The following KRT80 variants were observed in gnomAD, a reference collection of about 807,000 sequenced individuals.
KRT80 encodes the protein keratin 80, also known as keratin, type II cytoskeletal 80.
A neutral mutation model predicts 51.5 loss-of-function variants in KRT80; 36 were observed. The ratio of observed to expected loss-of-function variants is 0.70; its 90% confidence interval spans 0.54 to 0.92. The LOEUF (loss-of-function observed/expected upper bound fraction) is 0.92. KRT80 is among the 40% of genes least tolerant of loss of function. The probability of loss-of-function intolerance (pLI) is 0.00; values close to 1 mark genes in which losing one functional copy is unlikely to be tolerated. For synonymous variants in KRT80, 235 were observed against 248.3 expected, an observed-to-expected ratio of 0.95 and a Z score of 0.50; for missense variants, 566 against 591.7, an observed-to-expected ratio of 0.96 and a Z score of 0.45.
At chr12:52,191,522 G>C in intron 1 of KRT80, 81 bp downstream of exon 1, 1 of 1,365,554 alleles carries the variant, frequency 7.3e-7, no homozygotes, top group Non-Finnish European at 1.0e-6. Flanking sequence ...CGCGGTGATC[G>C]ATGCTCAGGG....
intron 2 of KRT80, 62 bp from the exon 3 acceptor site, chr12:52,181,025 C>T (rs1378134364): frequency 1.5e-6 from 2 of 1,363,794 alleles, no homozygotes; most frequent in Admixed American, 2.4e-5. Flanking sequence ...GGTGAACTCC[C>T]CTTGGTTGGG....
Position 52,180,527 on chromosome 12 carries a change from T to A in KRT80, c.652A>T (p.Thr218Ser). 6.8e-7 allele frequency: 1 copy of A among 1,467,268 alleles called. No individual in the cohort carries two copies. The highest frequency in any genetic ancestry group is 9.0e-7 in the Non-Finnish European group (1 of 1,109,202). 90.9% of individuals were successfully genotyped at this position (1,467,268 alleles called of 1,614,324 possible). ...SLESFVELMK[T>S]IYEQELKDLA... ...ATCTCACTCACCTGCTCATAGATGGTTTTCATCAACTCCACGAAGCTCTCC... is the reference window on the plus strand; with the variant it reads ...ATCTCACTCACCTGCTCATAGATGGATTTCATCAACTCCACGAAGCTCTCC... The change falls in exon 4 of 9, where the codon ACC (threonine) becomes TCC (serine). Residue 218 changes from threonine to serine, a missense_variant. Thr to Ser is a moderately conservative substitution (Grantham distance 58). Coordinates refer to ENST00000394815, the MANE Select transcript of KRT80 (RefSeq NM_182507.3).
Position 52,171,511 on chromosome 12 carries a change from A to G in KRT80, c.1246T>C (p.Ser416Pro), listed in dbSNP as rs988484980. The change falls in exon 9 of 9, where the codon TCA (serine) becomes CCA (proline). Residue 416 changes from serine (S) to proline (P), a missense_variant. Transcript: ENST00000394815. ...CGGGAGGGGGCCTTGGAGAGGCCTG[A>G]TCTGGAGGCAGCTACAGGGAACATA... ...QSRCKTAASR[S>P]GLSKAPSRKK... 5 of 1,613,402 alleles carry G rather than the reference A, an allele frequency of 3.1e-6. No homozygotes were observed. The highest frequency in any genetic ancestry group is 4.2e-6 in the Non-Finnish European group (5 of 1,179,742).
Position 52,173,285 on chromosome 12 carries a change from C to CGCCAG in KRT80, c.832-127_832-123dup, listed in dbSNP as rs1333076835. ...TCCAACTCTGCAGCCCACCACGCCA[C>CGCCAG]GCCAGGCTCCCTCAGCTCCCCCTTC... is the stretch of plus-strand genomic sequence containing the variant. On this transcript the variant is annotated intron_variant, in intron 5 of 8. Coordinates refer to ENST00000394815, the MANE Select transcript of KRT80 (RefSeq NM_182507.3). 9.3e-6 allele frequency: 12 copies of CGCCAG among 1,295,754 alleles called. No homozygotes were observed. The African/African-American group carries it at 1.5e-4, about 16-fold the overall frequency. 80.3% of individuals were successfully genotyped at this position (1,295,754 alleles called of 1,614,324 possible). A position where few individuals can be genotyped will look rare whatever the true frequency, so the allele number is the denominator to read the frequency against.
At chr12:52,179,588 C>T (rs538782158) in intron 4 of KRT80, among the ~76,000 whole-genome samples, 176 of 152,348 alleles carry the variant, frequency 1.2e-3, no homozygotes, top group African/African-American at 3.8e-3. Context: ...CCATGAGGCC[C>T]GGTCTTCCTT....
chr12:52,180,352 A>T (rs563076539), intron 4 of KRT80, among the ~76,000 whole-genome samples, 161 bp downstream of exon 4: 7 of 152,340 alleles, frequency 4.6e-5, no homozygotes, highest in African/African-American at 1.7e-4. Context: ...TATTGACACC[A>T]TCACAGGAAG....
intron 2 of KRT80, 65 bp from the exon 3 acceptor site, chr12:52,181,028 T>C: frequency 7.6e-7 from 1 of 1,319,234 alleles, no homozygotes; most frequent in Non-Finnish European, 1.0e-6. Context: ...GAACTCCCCT[T>C]GGTTGGGGCT....
At chr12:52,176,196 T>C (rs1941217821) in intron 4 of KRT80, among the ~76,000 whole-genome samples, 1 of 152,232 alleles carries the variant, frequency 6.6e-6, no homozygotes, top group Non-Finnish European at 1.5e-5. Context: ...TGTTCAGACA[T>C]GCAGGCCCCT....
chr12:52,173,495 C>T, intron 5 of KRT80, 105 bp downstream of exon 5: 3 of 798,944 alleles, frequency 3.8e-6, no homozygotes, highest in Non-Finnish European at 5.7e-6. Flanking sequence ...CATAGACTTT[C>T]AGGACAGAGA....
At chr12:52,172,995 C>T (rs1565691506) in intron 6 of KRT80, 43 bp downstream of exon 6, 2 of 1,584,854 alleles carry the variant, frequency 1.3e-6, no homozygotes, top group African/African-American at 1.3e-5. Flanking sequence ...GTGTGTCTCC[C>T]TGCTCTCCTC....
intron 1 of KRT80, among the ~76,000 whole-genome samples, chr12:52,189,710 A>G (rs1941453191): frequency 6.6e-6 from 1 of 152,158 alleles, no homozygotes; most frequent in South Asian, 2.1e-4. Flanking sequence ...AGGGCCCCCA[A>G]ACGGCCAGTA....
chr12:52,180,877 C>A (rs779209273), intron 3 of KRT80, 26 bp downstream of exon 3: 5 of 1,605,488 alleles, frequency 3.1e-6, no homozygotes, highest in Non-Finnish European at 4.2e-6. Flanking sequence ...GAGGAAGGAG[C>A]CCCTGGGGCA....
intron 4 of KRT80, among the ~76,000 whole-genome samples, 199 bp downstream of exon 4, chr12:52,180,314 A>G (rs1176130025): frequency 2.6e-5 from 4 of 152,166 alleles, no homozygotes; most frequent in African/African-American, 9.6e-5. Context: ...ATGTTCCATG[A>G]GATGAATGTC....
At chr12:52,189,185 A>T (rs1941446494) in intron 1 of KRT80, among the ~76,000 whole-genome samples, 1 of 151,276 alleles carries the variant, frequency 6.6e-6, no homozygotes, top group African/African-American at 2.4e-5. Context: ...CCCACTGGTC[A>T]TGGCGTCTCA....
At chr12:52,179,215 G>A (rs1340452692) in intron 4 of KRT80, among the ~76,000 whole-genome samples, 5 of 152,232 alleles carry the variant, frequency 3.3e-5, no homozygotes, top group Non-Finnish European at 7.3e-5. Context: ...AGGCCTAAGG[G>A]TGGCAGAGAT....
intron 2 of KRT80, among the ~76,000 whole-genome samples, chr12:52,182,337 C>T (rs577320441): frequency 3.3e-5 from 5 of 152,276 alleles, no homozygotes; most frequent in African/African-American, 1.2e-4. Context: ...TCCCATTGGT[C>T]TCATTTTACA....
intron 4 of KRT80, among the ~76,000 whole-genome samples, chr12:52,177,380 G>T (rs557216067): frequency 1.3e-5 from 2 of 152,154 alleles, no homozygotes; most frequent in Non-Finnish European, 2.9e-5. Flanking sequence ...GCTGCAGGGG[G>T]TTGTCAGCAG....
intron 2 of KRT80, among the ~76,000 whole-genome samples, chr12:52,183,334 G>A (rs2120922390): frequency 6.6e-6 from 1 of 152,262 alleles, no homozygotes; most frequent in Middle Eastern, 3.4e-3. Context: ...TGTCACACCT[G>A]CACCACCATC....
intron 2 of KRT80, among the ~76,000 whole-genome samples, chr12:52,184,443 A>C (rs1941371036): frequency 6.6e-6 from 1 of 152,216 alleles, no homozygotes; most frequent in African/African-American, 2.4e-5. Flanking sequence ...TGGCCAATTC[A>C]GTTCAGCAAA....
Sources: gnomAD v4.1 joint callset for allele counts (sites outside exome capture counted in the v4.1 genomes callset) on GRCh38, gnomAD v4.1.1 for gene constraint, MANE v1.5 for transcripts, NCBI Gene and HGNC (gene_info 2026-07-23, HGNC 2026-07-21) for gene names.